The following ZNF2 variants were observed in gnomAD, a reference collection of about 807,000 sequenced individuals.
The protein encoded by ZNF2 is zinc finger protein 2, also known as zinc finger protein 2.2.
In ZNF2, 12 loss-of-function variants were observed where a neutral mutation model predicts 21.9. That is an observed-to-expected ratio of 0.55 (90% CI 0.35 to 0.89). The LOEUF (loss-of-function observed/expected upper bound fraction) is 0.89. Ranked by LOEUF, ZNF2 falls within the 40% of genes least tolerant of loss-of-function variation. The pLI is 0.01. For missense variants in ZNF2, 462 were observed against 544.2 expected (o/e 0.85, Z 1.50); for synonymous variants, 186 against 196.3 (o/e 0.95, Z 0.44).
chr2:95,173,844 G>A (rs1332861982), intron 1 of ZNF2, among the ~76,000 whole-genome samples: 1 of 152,176 alleles, frequency 6.6e-6, no homozygotes, highest in African/African-American at 2.4e-5. Context: ...AAGTAGCTGG[G>A]ACTAAAGGCA....
intron 1 of ZNF2, among the ~76,000 whole-genome samples, chr2:95,168,773 G>C (rs1674172837): frequency 6.6e-6 from 1 of 152,184 alleles, no homozygotes; most frequent in African/African-American, 2.4e-5. Context: ...CTCATCCAAG[G>C]CTTCATGGTT....
intron 2 of ZNF2, 55 bp downstream of exon 2, chr2:95,176,314 AC>A (rs1430039830): frequency 1.2e-6 from 2 of 1,610,854 alleles, no homozygotes; most frequent in East Asian, 4.5e-5. Flanking sequence ...GAATGTAACC[AC>A]TTTTCTTTCT....
chr2:95,182,095 G>A lies in ZNF2; in HGVS notation c.1267G>A (p.Gly423Arg), dbSNP rs1027108790. The A allele has an allele frequency of 1.2e-6, 2 of 1,600,820 alleles. No homozygotes were observed. Among genetic ancestry groups the A allele is most frequent in the Non-Finnish European group, 1.7e-6 (2 of 1,170,932 alleles). The change falls in exon 5 of 5, where the codon GGA becomes AGA. Residue 423 changes from glycine to arginine, a missense_variant. Coordinates refer to ENST00000614034, the MANE Select transcript of ZNF2 (RefSeq NM_021088.4). ...ACATCAACGGCGTTACGCCAAACAG[G>A]GAATAGACTGAGTTGGGCAAAAGCT... is the stretch of plus-strand genomic sequence containing the variant. ...IQHQRRYAKQ[G>R]ID
intron 1 of ZNF2, among the ~76,000 whole-genome samples, chr2:95,174,129 A>G (rs1043569626): frequency 7.9e-5 from 12 of 152,212 alleles, no homozygotes; most frequent in African/African-American, 2.4e-4. Context: ...ATTAAATGAG[A>G]TAATACATAT....
intron 1 of ZNF2, 91 bp from the exon 2 acceptor site, chr2:95,176,097 C>T: frequency 8.9e-7 from 1 of 1,123,756 alleles, no homozygotes; most frequent in South Asian, 1.2e-5. Flanking sequence ...TGACATATCC[C>T]CCTGGTATGT....
At chr2:95,171,727 C>T (rs1171974309) in intron 1 of ZNF2, among the ~76,000 whole-genome samples, 1 of 152,202 alleles carries the variant, frequency 6.6e-6, no homozygotes, top group East Asian at 1.9e-4. Flanking sequence ...TTTCTGCTTT[C>T]ACAGCTTTCA....
At chr2:95,177,286 T>G (rs1386883603) in intron 2 of ZNF2, among the ~76,000 whole-genome samples, 197 bp from the exon 3 acceptor site, 1 of 152,162 alleles carries the variant, frequency 6.6e-6, no homozygotes, top group African/African-American at 2.4e-5. Context: ...AGTATAGTGG[T>G]GTGAGATTCT....
intron 1 of ZNF2, among the ~76,000 whole-genome samples, chr2:95,166,858 G>A (rs555645073): frequency 1.3e-5 from 2 of 152,344 alleles, no homozygotes; most frequent in African/African-American, 2.4e-5. Flanking sequence ...TGAGGTGATG[G>A]TGGAACGCCT....
chr2:95,173,512 C>T (rs1674349534), intron 1 of ZNF2, among the ~76,000 whole-genome samples: 1 of 152,154 alleles, frequency 6.6e-6, no homozygotes, highest in Non-Finnish European at 1.5e-5. Flanking sequence ...AAAGTTAAAA[C>T]CTCCCAGGCA....
intron 1 of ZNF2, among the ~76,000 whole-genome samples, chr2:95,166,326 A>T (rs1198806922): frequency 1.3e-5 from 2 of 151,834 alleles, no homozygotes; most frequent in Non-Finnish European, 2.9e-5. Flanking sequence ...ACAACAACAA[A>T]ACAAAAACCA....
chr2:95,171,583 A>G (rs1316795448), intron 1 of ZNF2, among the ~76,000 whole-genome samples: 3 of 152,022 alleles, frequency 2.0e-5, no homozygotes, highest in African/African-American at 4.8e-5. Flanking sequence ...GGGTTTCACC[A>G]TCTTGGCCAG....
Position 95,171,484 on chromosome 2 carries a change from G to A in ZNF2, c.-39-4704G>A, listed in dbSNP as rs202093568. On this transcript the variant is annotated intron_variant, in intron 1 of 4. Transcript: ENST00000614034. ...TGCAACCTTTGCCTCCCGGGTTTGAGCGATTCTCCTGCCTCAGCCTCCCAA... is the reference window on the plus strand; with the variant it reads ...TGCAACCTTTGCCTCCCGGGTTTGAACGATTCTCCTGCCTCAGCCTCCCAA... Among the ~76,000 whole-genome samples the A allele has an allele frequency of 1.1e-4, 16 of 151,880 alleles. No homozygotes were observed. In the East Asian group the frequency reaches 3.1e-3, roughly 30 times the overall value.
chr2:95,178,034 A>C (rs1484910219), intron 3 of ZNF2, among the ~76,000 whole-genome samples: 1 of 152,176 alleles, frequency 6.6e-6, no homozygotes, highest in African/African-American at 2.4e-5. Context: ...GCGCTGGGGT[A>C]GGGGGCCATC....
At position 95,177,589 on chromosome 2, in the gene ZNF2, A is replaced by G; in HGVS notation, c.140A>G (p.Tyr47Cys). The G allele has an allele frequency of 1.2e-6, 2 of 1,614,010 alleles. No individual in the cohort carries two copies. The highest frequency in any genetic ancestry group is 1.7e-6 in the Non-Finnish European group (2 of 1,179,970). The stretch of plus-strand genomic sequence containing the variant: ...TACAAGGAGGTGATGCTGGAGAACT[A>G]TAACAGCATTGTGTCATTGGGTAAG... ...DLYKEVMLEN[Y>C]NSIVSLGLPV... Residue 47 changes from tyrosine to cysteine, a missense_variant, in exon 3 of 5, where the codon TAT (tyrosine) becomes TGT (cysteine). Tyr to Cys is a radical substitution (Grantham distance 194). Transcript: ENST00000614034.
rs182621834 is a variant in ZNF2, at chr2:95,174,579, T to C, written c.-39-1609T>C. Among the ~76,000 whole-genome samples the C allele has an allele frequency of 2.6e-5, 4 of 152,342 alleles. No homozygotes were observed. The East Asian group carries it at 7.7e-4, about 29-fold the overall frequency. Reference sequence around the variant, plus strand: ...TTTTTTCTCAAGATTTAGAATGTTCTAGCTCCTCCCACAAATGAAAACTTA... The same window carrying C: ...TTTTTTCTCAAGATTTAGAATGTTCCAGCTCCTCCCACAAATGAAAACTTA... On this transcript the variant is annotated intron_variant, in intron 1 of 4. Transcript: ENST00000614034.
At chr2:95,174,498 G>C (rs923870476) in intron 1 of ZNF2, among the ~76,000 whole-genome samples, 3 of 152,130 alleles carry the variant, frequency 2.0e-5, no homozygotes, top group Admixed American at 6.5e-5. Flanking sequence ...GCTAATTTTT[G>C]TTGTTAATCC....
At chr2:95,167,404 G>C (rs1432064798) in intron 1 of ZNF2, among the ~76,000 whole-genome samples, 1 of 151,526 alleles carries the variant, frequency 6.6e-6, no homozygotes, top group East Asian at 2.0e-4. Flanking sequence ...TACTCGGGAG[G>C]CTGAGGCAGG....
chr2:95,170,797 A>G (rs1408481650), intron 1 of ZNF2, among the ~76,000 whole-genome samples: 1 of 152,198 alleles, frequency 6.6e-6, no homozygotes, highest in Non-Finnish European at 1.5e-5. Flanking sequence ...TTGTTAGTAG[A>G]GCCCATTTCT....
rs1396146539 is a variant in ZNF2 at position 95,180,271 on chromosome 2, A to C, written c.273A>C (p.Leu91=). The change falls in exon 4 of 5, where the codon CTA becomes CTC. Residue 91 remains leucine (L), a splice_region_variant and synonymous_variant. Coordinates refer to ENST00000614034, the MANE Select transcript of ZNF2 (RefSeq NM_021088.4). The part of the protein sequence containing the change: ...EEREWPESVS[L]DWETKPEIHD... ...GAGAATGGCCAGAGAGTGTCTCTCTAGGTAACTGAGTGTGAACAAGACAGA... is the reference window on the plus strand; with the variant it reads ...GAGAATGGCCAGAGAGTGTCTCTCTCGGTAACTGAGTGTGAACAAGACAGA... 1.3e-6 allele frequency: 2 copies of C among 1,596,376 alleles called. No homozygotes were observed. Among genetic ancestry groups the C allele is most frequent in the South Asian group, 1.1e-5 (1 of 90,522 alleles).
Sources: allele counts gnomAD v4.1 joint callset (sites outside exome capture counted in the v4.1 genomes callset), GRCh38; gene constraint gnomAD v4.1.1; transcripts MANE v1.5; gene names NCBI Gene and HGNC (gene_info 2026-07-23, HGNC 2026-07-21).